The following PTPRQ variants were observed in gnomAD, a reference collection of about 807,000 sequenced individuals.
PTPRQ encodes the protein protein tyrosine phosphatase receptor type Q.
PTPRQ carries 199 observed loss-of-function variants against 246.0 expected under a neutral mutation model. The observed-to-expected ratio is 0.81, with a 90% CI of 0.72 to 0.91. The LOEUF (loss-of-function observed/expected upper bound fraction) is 0.91, where lower values mean the gene tolerates loss of function less well. Ranked by LOEUF, PTPRQ falls within the 40% of genes least tolerant of loss-of-function variation. The probability of loss-of-function intolerance (pLI) is 0.00; values close to 1 mark genes in which losing one functional copy is unlikely to be tolerated. For synonymous variants in PTPRQ, 869 were observed against 853.2 expected (o/e 1.02, Z -0.32); for missense variants, 2,624 against 2,528.4 (o/e 1.04, Z -0.81).
chr12:80,667,341 A>T (rs1900819651), intron 39 of PTPRQ, among the ~76,000 whole-genome samples: 2 of 151,976 alleles, frequency 1.3e-5, no homozygotes, highest in Admixed American at 1.3e-4. Flanking sequence ...GAACACTATG[A>T]TAAGTGAAAT....
intron 26 of PTPRQ, among the ~76,000 whole-genome samples, chr12:80,600,160 C>G (rs1344230643): frequency 4.0e-5 from 6 of 151,740 alleles, no homozygotes; most frequent in Admixed American, 2.6e-4. Context: ...AAATACCTTG[C>G]TTTTTTATAA....
At chr12:80,484,820 G>A (rs1327305814) in intron 9 of PTPRQ, among the ~76,000 whole-genome samples, 1 of 152,010 alleles carries the variant, frequency 6.6e-6, no homozygotes, top group Admixed American at 6.6e-5. Flanking sequence ...TTCATCATAT[G>A]AAAAATGTTA....
At chr12:80,558,228 T>C (rs758023606) in intron 25 of PTPRQ, among the ~76,000 whole-genome samples, 5 of 150,086 alleles carry the variant, frequency 3.3e-5, no homozygotes, top group African/African-American at 4.9e-5. Context: ...AGTGCAGTGG[T>C]GCGATCTCGA....
chr12:80,498,933 TG>T (rs1449895367), intron 14 of PTPRQ, among the ~76,000 whole-genome samples: 4 of 152,096 alleles, frequency 2.6e-5, no homozygotes, highest in Non-Finnish European at 5.9e-5. Flanking sequence ...ATTGTCTGTA[TG>T]AGTTTAATTC....
At chr12:80,487,445 T>C (rs962474280) in intron 9 of PTPRQ, among the ~76,000 whole-genome samples, 2 of 152,100 alleles carry the variant, frequency 1.3e-5, no homozygotes, top group Non-Finnish European at 2.9e-5. Context: ...GGGTTTAGAA[T>C]TTTCTAATCC....
chr12:80,468,471 G>C (rs1893513602), intron 6 of PTPRQ, among the ~76,000 whole-genome samples: 1 of 152,086 alleles, frequency 6.6e-6, no homozygotes, highest in South Asian at 2.1e-4. Context: ...CAGTGCAATA[G>C]TAAACAGTAT....
At chr12:80,563,586 C>T (rs528278677) in intron 25 of PTPRQ, among the ~76,000 whole-genome samples, 7 of 152,238 alleles carry the variant, frequency 4.6e-5, no homozygotes, top group South Asian at 2.1e-4. Flanking sequence ...GGGAGGAGTA[C>T]GTCTGTTATT....
chr12:80,551,686 T>C (rs992112385), intron 25 of PTPRQ, among the ~76,000 whole-genome samples: 1 of 152,116 alleles, frequency 6.6e-6, no homozygotes, highest in African/African-American at 2.4e-5. Flanking sequence ...CTAGAAAATA[T>C]CCCAGAATCC....
chr12:80,578,492 G>A (rs1045040671), intron 25 of PTPRQ, among the ~76,000 whole-genome samples: 1 of 152,018 alleles, frequency 6.6e-6, no homozygotes. Flanking sequence ...CCGGGTTCAT[G>A]CCATTCTCCT....
intron 16 of PTPRQ, 36 bp downstream of exon 16, chr12:80,506,706 C>T (rs1354328100): frequency 2.0e-6 from 3 of 1,510,202 alleles, no homozygotes; most frequent in Non-Finnish European, 2.7e-6. Context: ...TACTTTGATT[C>T]TATAACATTC....
chr12:80,486,494 G>T (rs796776311), intron 9 of PTPRQ, among the ~76,000 whole-genome samples: 4 of 152,194 alleles, frequency 2.6e-5, no homozygotes, highest in African/African-American at 9.6e-5. Context: ...TGGGTTCTTG[G>T]CCTGACTCTG....
intron 25 of PTPRQ, among the ~76,000 whole-genome samples, chr12:80,563,236 G>C (rs985979763): frequency 1.2e-4 from 18 of 152,148 alleles, no homozygotes; most frequent in Admixed American, 1.0e-3. Flanking sequence ...GGCACCAGCA[G>C]ATTCAGTGCT....
chr12:80,620,047 T>C lies in PTPRQ; in HGVS notation c.5390-107T>C. The C allele has an allele frequency of 3.0e-6, 4 of 1,323,288 alleles. No homozygotes were observed. In the South Asian group the frequency reaches 6.6e-5, roughly 22 times the overall value. 82.0% of individuals were successfully genotyped at this position (1,323,288 alleles called of 1,614,324 possible). A position where few individuals can be genotyped will look rare whatever the true frequency, so the allele number is the denominator to read the frequency against. On this transcript the variant is annotated intron_variant, in intron 31 of 44. Coordinates refer to ENST00000644991, the MANE Select transcript of PTPRQ (RefSeq NM_001145026.2). ...CACTTGAATTATCTCTGGTGACTGA[T>C]GTTGCATCGAGAGTCCCCTTATACA...
intron 6 of PTPRQ, among the ~76,000 whole-genome samples, chr12:80,464,099 T>C (rs1174734020): frequency 2.6e-5 from 4 of 151,846 alleles, no homozygotes; most frequent in African/African-American, 9.7e-5. Flanking sequence ...TCAAGACCCA[T>C]CAGTGTGTTG....
intron 39 of PTPRQ, among the ~76,000 whole-genome samples, chr12:80,662,768 T>C (rs889926313): frequency 1.3e-5 from 2 of 152,000 alleles, no homozygotes; most frequent in African/African-American, 4.8e-5. Context: ...AAAGTTGACC[T>C]GTGGAATGAA....
chr12:80,630,785 C>T (rs781246905), intron 33 of PTPRQ, among the ~76,000 whole-genome samples: 24 of 152,104 alleles, frequency 1.6e-4, no homozygotes, highest in Non-Finnish European at 2.8e-4. Flanking sequence ...GGCACGATGT[C>T]GGCTCACTGC....
At chr12:80,450,345 T>G (rs1892714292) in intron 3 of PTPRQ, among the ~76,000 whole-genome samples, 1 of 152,194 alleles carries the variant, frequency 6.6e-6, no homozygotes, top group East Asian at 1.9e-4. Flanking sequence ...TGACTTCCTC[T>G]TTTCCTAATT....
chr12:80,571,075 G>T (rs147031805), intron 25 of PTPRQ, among the ~76,000 whole-genome samples: 1 of 151,976 alleles, frequency 6.6e-6, no homozygotes, highest in African/African-American at 2.4e-5. Context: ...GCTCTTTTTT[G>T]GTTCCATATG....
At chr12:80,466,379 A>C (rs547554187) in intron 6 of PTPRQ, among the ~76,000 whole-genome samples, 1 of 152,210 alleles carries the variant, frequency 6.6e-6, no homozygotes, top group Non-Finnish European at 1.5e-5. Flanking sequence ...ATGAAAGAAC[A>C]TTCCATGCTC....
Sources: allele counts gnomAD v4.1 joint callset (sites outside exome capture counted in the v4.1 genomes callset), GRCh38; gene constraint gnomAD v4.1.1; transcripts MANE v1.5; gene names NCBI Gene and HGNC (gene_info 2026-07-23, HGNC 2026-07-21).